The following PPP1R14C variants were observed in gnomAD, a reference collection of about 807,000 sequenced individuals.
PPP1R14C encodes the protein protein phosphatase 1 regulatory inhibitor subunit 14C.
PPP1R14C carries 16 observed loss-of-function variants against 20.4 expected under a neutral mutation model. That is an observed-to-expected ratio of 0.78 (90% confidence interval 0.53 to 1.19). The LOEUF is 1.19. PPP1R14C is among the 50% of genes most tolerant of loss of function. The pLI is 0.00. For synonymous variants in PPP1R14C, 91 were observed against 91.0 expected, an observed-to-expected ratio of 1.00 and a Z score of 0.00; for missense variants, 211 against 220.1, an observed-to-expected ratio of 0.96 and a Z score of 0.26.
At chr6:150,238,099 T>C (rs1466109644) in intron 3 of PPP1R14C, among the ~76,000 whole-genome samples, 1 of 152,226 alleles carries the variant, frequency 6.6e-6, no homozygotes, top group Non-Finnish European at 1.5e-5. Context: ...CAGAGAATGC[T>C]TCTGCTGAGA....
At chr6:150,166,370 G>A (rs57988362) in intron 1 of PPP1R14C, among the ~76,000 whole-genome samples, 36,354 of 152,004 alleles carry the variant, frequency 0.24, 4,610 homozygotes, top group South Asian at 0.37. Context: ...CTGAGCCACC[G>A]CGCCCAGCCA....
intron 3 of PPP1R14C, among the ~76,000 whole-genome samples, chr6:150,242,489 G>A (rs1778444651): frequency 6.6e-6 from 1 of 152,128 alleles, no homozygotes; most frequent in African/African-American, 2.4e-5. Context: ...TGTCAGTAAT[G>A]GAAAAGCATT....
intron 1 of PPP1R14C, among the ~76,000 whole-genome samples, chr6:150,159,673 A>G (rs1256238642): frequency 6.6e-6 from 1 of 151,746 alleles, no homozygotes; most frequent in Non-Finnish European, 1.5e-5. Context: ...TTAGATTTAC[A>G]GAAAAATTGC....
intron 1 of PPP1R14C, among the ~76,000 whole-genome samples, chr6:150,182,213 C>T (rs935954274): frequency 7.2e-5 from 11 of 152,194 alleles, no homozygotes; most frequent in African/African-American, 2.7e-4. Context: ...TCCAGACCTG[C>T]CGGCTTTGAA....
intron 1 of PPP1R14C, among the ~76,000 whole-genome samples, chr6:150,159,552 CT>C (rs1014615223): frequency 6.6e-6 from 1 of 152,142 alleles, no homozygotes; most frequent in African/African-American, 2.4e-5. Flanking sequence ...AGCCAGTGCG[CT>C]GTCCTTCTGT....
intron 1 of PPP1R14C, among the ~76,000 whole-genome samples, chr6:150,149,633 C>T (rs1207438839): frequency 6.6e-6 from 1 of 151,902 alleles, no homozygotes; most frequent in Non-Finnish European, 1.5e-5. Context: ...CATCCTGGTG[C>T]CTTTGCAGGG....
Position 150,249,171 on chromosome 6 carries a change from G to A in PPP1R14C, c.*351G>A, listed in dbSNP as rs1778531689. On this transcript the variant is annotated 3_prime_UTR_variant, in exon 4 of 4. Transcript: ENST00000361131. The stretch of plus-strand genomic sequence containing the variant: ...AGTACCTTATGATACAGGGAAGATA[G>A]TTTTCTTACAAGTAGTTTGGTAATA... The A allele has an allele frequency of 2.5e-6, 1 of 398,912 alleles. No homozygotes were observed. Among genetic ancestry groups the A allele is most frequent in the Non-Finnish European group, 4.4e-6 (1 of 226,728 alleles). 24.7% of individuals were successfully genotyped at this position (398,912 alleles called of 1,614,324 possible).
chr6:150,192,433 G>T (rs938087985), intron 1 of PPP1R14C, among the ~76,000 whole-genome samples: 2 of 152,020 alleles, frequency 1.3e-5, no homozygotes, highest in African/African-American at 2.4e-5. Flanking sequence ...TTCACAATAG[G>T]GTTTGCACTC....
intron 1 of PPP1R14C, among the ~76,000 whole-genome samples, chr6:150,151,126 G>A (rs923128294): frequency 3.3e-5 from 5 of 151,768 alleles, no homozygotes; most frequent in African/African-American, 7.3e-5. Context: ...GTCCATATGC[G>A]GACAACGTGT....
intron 1 of PPP1R14C, among the ~76,000 whole-genome samples, chr6:150,160,256 CTTTTTTT>C (rs535189665): frequency 2.0e-5 from 2 of 100,888 alleles, no homozygotes; most frequent in Non-Finnish European, 3.7e-5. Flanking sequence ...GTAGCTCATT[CTTTTTTT>C]TTTTTTTTTT....
Position 150,143,249 on chromosome 6 carries a change from A to G in PPP1R14C, c.57A>G (p.Ala19=). The G allele has an allele frequency of 1.4e-6, 2 of 1,419,674 alleles. No individual in the cohort carries two copies. The highest frequency in any genetic ancestry group is 9.1e-7 in the Non-Finnish European group (1 of 1,098,952). 87.9% of individuals were successfully genotyped at this position (1,419,674 alleles called of 1,614,324 possible). A position where few individuals can be genotyped will look rare whatever the true frequency, so the allele number is the denominator to read the frequency against. Residue 19 remains alanine, a synonymous_variant, in exon 1 of 4, where the codon GCA becomes GCG. Transcript: ENST00000361131. The surrounding 1 kb of genome is among the most constrained non-coding windows in gnomAD (Gnocchi z 5.6). ...ETAGGASGGG[A]RVFFQSPRGG... is the part of the protein sequence containing the mutation. The stretch of plus-strand genomic sequence containing the variant: ...CCGGCGGGGCCAGCGGCGGCGGCGC[A>G]CGGGTTTTCTTCCAAAGCCCCCGGG...
At chr6:150,200,308 C>G (rs140314198) in intron 1 of PPP1R14C, among the ~76,000 whole-genome samples, 45 of 151,230 alleles carry the variant, frequency 3.0e-4, no homozygotes, top group African/African-American at 1.0e-3. Flanking sequence ...TAAATAGACT[C>G]TATTTGAGCC....
chr6:150,248,688 T>C, intron 3 of PPP1R14C, 58 bp from the exon 4 acceptor site: 1 of 1,240,308 alleles, frequency 8.1e-7, no homozygotes, highest in Non-Finnish European at 1.2e-6. Flanking sequence ...TTAAGCAGAT[T>C]TTTAAACACA....
chr6:150,204,553 C>T (rs900197610), intron 1 of PPP1R14C, among the ~76,000 whole-genome samples: 1 of 152,198 alleles, frequency 6.6e-6, no homozygotes, highest in African/African-American at 2.4e-5. Flanking sequence ...ACTTAGCACC[C>T]ACTGAGGTCC....
At position 150,201,787 on chromosome 6, in the gene PPP1R14C, G is replaced by A. The variant is rs1029612465; in HGVS notation, c.307-12957G>A. Among the ~76,000 whole-genome samples the A allele has an allele frequency of 1.3e-5, 2 of 152,194 alleles. No individual in the cohort carries two copies. Among genetic ancestry groups the A allele is most frequent in the African/African-American group, 4.8e-5 (2 of 41,440 alleles). ...TGATTTAGCTTTCACTAGGGGGGCAGTGGAGGTGGTACAAAGTGCAGGTTC... is the reference window on the plus strand; with the variant it reads ...TGATTTAGCTTTCACTAGGGGGGCAATGGAGGTGGTACAAAGTGCAGGTTC... On this transcript the variant is annotated intron_variant, in intron 1 of 3. Coordinates refer to ENST00000361131, the MANE Select transcript of PPP1R14C (RefSeq NM_030949.3). The surrounding 1 kb of genome is among the most constrained non-coding windows in gnomAD (Gnocchi z 4.2).
intron 1 of PPP1R14C, among the ~76,000 whole-genome samples, chr6:150,171,556 G>C (rs935726183): frequency 4.6e-5 from 7 of 152,308 alleles, no homozygotes; most frequent in South Asian, 2.1e-4. Flanking sequence ...TCTCCACACA[G>C]AATCTGTGAT....
chr6:150,241,797 G>A (rs1778433844), intron 3 of PPP1R14C, among the ~76,000 whole-genome samples: 1 of 152,190 alleles, frequency 6.6e-6, no homozygotes, highest in African/African-American at 2.4e-5. Context: ...TGAGGCACAA[G>A]AATCGCTTGA....
chr6:150,228,310 A>G (rs750928698), intron 3 of PPP1R14C, among the ~76,000 whole-genome samples: 11 of 152,116 alleles, frequency 7.2e-5, no homozygotes, highest in Non-Finnish European at 1.0e-4. Context: ...CTCAAAACCA[A>G]CTTCAGCTTT....
At chr6:150,203,851 C>G (rs1777909187) in intron 1 of PPP1R14C, among the ~76,000 whole-genome samples, 1 of 152,182 alleles carries the variant, frequency 6.6e-6, no homozygotes, top group South Asian at 2.1e-4. Context: ...AGGCTCAATC[C>G]CTAAATTAAT....
Sources: allele counts gnomAD v4.1 joint callset (sites outside exome capture counted in the v4.1 genomes callset), GRCh38; gene constraint gnomAD v4.1.1; non-coding constraint Gnocchi (gnomAD v3.1); transcripts MANE v1.5; gene names NCBI Gene and HGNC (gene_info 2026-07-23, HGNC 2026-07-21).